Variants in TUBA4A observed in about 807,000 individuals in gnomAD.
The protein encoded by TUBA4A is tubulin alpha 4a.
Under a neutral mutation model 34.3 loss-of-function variants are expected in TUBA4A, and 23 were observed. The observed-to-expected ratio is 0.67, with a 90% CI of 0.48 to 0.95. The LOEUF (loss-of-function observed/expected upper bound fraction) is 0.95. TUBA4A is among the 40% of genes least tolerant of loss of function. The pLI is 0.00. For synonymous variants in TUBA4A, 216 were observed against 230.5 expected (o/e 0.94, Z 0.57); for missense variants, 279 against 599.0 (o/e 0.47, Z 5.58).
Position 219,252,932 on chromosome 2 carries a change from A to G in TUBA4A, c.4-702T>C, listed in dbSNP as rs567272854. On this transcript the variant is annotated intron_variant, in intron 1 of 3. Transcript: ENST00000248437. The surrounding 1 kb of genome is among the most constrained non-coding windows in gnomAD (Gnocchi z 4.1). Reference sequence around the variant, plus strand: ...GCCCGAAATTAACCCCTAAAGCACTAAAGTCCGGCAGGGCCCGCGCGCTCT... The same window carrying G: ...GCCCGAAATTAACCCCTAAAGCACTGAAGTCCGGCAGGGCCCGCGCGCTCT... 8.3e-6 allele frequency: 4 copies of G among 481,552 alleles called. No individual in the cohort carries two copies. Among genetic ancestry groups the G allele is most frequent in the South Asian group, 3.1e-5 (2 of 64,696 alleles). The allele number at this position is 481,552 out of a possible 1,614,324, so 29.8% of individuals were successfully genotyped here. A position where few individuals can be genotyped will look rare whatever the true frequency, so the allele number is the denominator to read the frequency against.
chr2:219,250,723 TG>T lies in TUBA4A; in HGVS notation c.975del (p.Lys326ArgfsTer53). 1 of 1,614,188 alleles carries T rather than the reference TG, an allele frequency of 6.2e-7. No individual in the cohort carries two copies. Among genetic ancestry groups the T allele is most frequent in the Non-Finnish European group, 8.5e-7 (1 of 1,180,034 alleles). On this transcript the variant is annotated frameshift_variant, in exon 4 of 4. Transcript: ENST00000248437. LOFTEE classifies it high-confidence loss of function. The surrounding 1 kb of genome is among the most constrained non-coding windows in gnomAD (Gnocchi z 8.4). ...CCLLYRGDVVPKDVNAAIAAI... is the reference protein window; with the variant it reads ...CCLLYRGDVVXKDVNAAIAAI... Reference sequence around the variant, plus strand: ...GCGGCAATGGCAGCGTTGACATCCTTGGGCACCACATCTCCACGGTACAGCA... The same window carrying T: ...GCGGCAATGGCAGCGTTGACATCCTTGGCACCACATCTCCACGGTACAGCA...
At chr2:219,253,408 A>G (rs1242924825) in intron 1 of TUBA4A, 2 of 1,529,092 alleles carry the variant, frequency 1.3e-6, no homozygotes, top group African/African-American at 1.4e-5. Flanking sequence ...GGAAAGGGGG[A>G]TGCGGCACCA....
rs1245942768 is a variant in TUBA4A, at chr2:219,251,803, C to T, written c.227-90G>A. 6 of 1,504,220 alleles carry T rather than the reference C, an allele frequency of 4.0e-6. No individual in the cohort carries two copies. The African/African-American group carries it at 4.1e-5, about 10-fold the overall frequency. 93.2% of individuals were successfully genotyped at this position (1,504,220 alleles called of 1,614,324 possible). ...TGGCCAGATGCATGGAAGGACTCAT[C>T]CTCCTGCCAGCCTGAGATACCAGAG... On this transcript the variant is annotated intron_variant, in intron 2 of 3. Transcript: ENST00000248437. The surrounding 1 kb of genome is among the most constrained non-coding windows in gnomAD (Gnocchi z 6.1).
intron 1 of TUBA4A, chr2:219,253,178 C>G (rs576336161): frequency 3.0e-5 from 45 of 1,512,496 alleles, no homozygotes; most frequent in Middle Eastern, 1.9e-4. Context: ...AATACCACCC[C>G]CTACATGCAC....
rs1951653727 is a variant in TUBA4A, at chr2:219,251,846, C to A, written c.227-133G>T. ...TACCAGAGTGTGAGAGAAACCCAGA[C>A]CAGCTGCCCAGGCCAGTCTCAGATC... On this transcript the variant is annotated intron_variant, in intron 2 of 3. Transcript: ENST00000248437. The surrounding 1 kb of genome is among the most constrained non-coding windows in gnomAD (Gnocchi z 6.1). 2 of 1,373,212 alleles carry A rather than the reference C, an allele frequency of 1.5e-6. No homozygotes were observed. The highest frequency in any genetic ancestry group is 2.0e-6 in the Non-Finnish European group (2 of 1,009,274). The allele number at this position is 1,373,212 out of a possible 1,614,324, so 85.1% of individuals were successfully genotyped here.
chr2:219,254,089 C>T (rs920867376), upstream of TUBA4A: 3 of 434,390 alleles, frequency 6.9e-6, no homozygotes, highest in African/African-American at 2.1e-5. Context: ...CGCGGGGGTC[C>T]CTCACCTGTC....
Position 219,251,435 on chromosome 2 carries a change from G to A in TUBA4A, c.376-112C>T. The A allele has an allele frequency of 1.3e-6, 2 of 1,535,290 alleles. No homozygotes were observed. The highest frequency in any genetic ancestry group is 1.8e-6 in the Non-Finnish European group (2 of 1,137,152). On this transcript the variant is annotated intron_variant, in intron 3 of 3. Coordinates refer to ENST00000248437, the MANE Select transcript of TUBA4A (RefSeq NM_006000.3). The surrounding 1 kb of genome is among the most constrained non-coding windows in gnomAD (Gnocchi z 6.1). ...ATCAGCAGTCAGGGCAAATACTGAG[G>A]ATGCCATAGCAGCACCACACTCGAG...
At chr2:219,253,386 T>TGCATACA (rs1353238990) in intron 1 of TUBA4A, 5 of 1,534,706 alleles carry the variant, frequency 3.3e-6, no homozygotes, top group Non-Finnish European at 4.4e-6. Context: ...ATAGTTGGAA[T>TGCATACA]GCATACACAG....
At chr2:219,253,946 T>C, upstream of TUBA4A, 1 of 754,380 alleles carries the variant, frequency 1.3e-6, no homozygotes, top group Non-Finnish European at 1.8e-6. Context: ...ACCGCCCTTA[T>C]AGGCGGGGGG....
At chr2:219,253,055 G>A in intron 1 of TUBA4A, 1 of 1,069,550 alleles carries the variant, frequency 9.3e-7, no homozygotes, top group Non-Finnish European at 1.3e-6. Context: ...GTCCCGGGCA[G>A]GATGGGCGCC....
upstream of TUBA4A, chr2:219,254,150 T>G: frequency 2.8e-6 from 1 of 353,022 alleles, no homozygotes. Flanking sequence ...TTTCCTCGTT[T>G]TGAGCAGACA....
intron 1 of TUBA4A, chr2:219,253,469 G>T: frequency 7.2e-7 from 1 of 1,389,820 alleles, no homozygotes; most frequent in Non-Finnish European, 9.9e-7. Flanking sequence ...CTCGGTCAGT[G>T]CTGAGGACCA....
chr2:219,253,817 AT>A, intron 1 of TUBA4A, 38 bp downstream of exon 1: 1 of 1,531,450 alleles, frequency 6.5e-7, no homozygotes, highest in Non-Finnish European at 8.8e-7. Context: ...GAGAGGGGCA[AT>A]TAGGGGACAG....
Position 219,252,945 on chromosome 2 carries a change from GC to G in TUBA4A, c.4-716del. On this transcript the variant is annotated intron_variant, in intron 1 of 3. Transcript: ENST00000248437. This position sits in a 1 kb window ranked among gnomAD's most constrained non-coding sequence, Gnocchi z 4.1. ...CCCTAAAGCACTAAAGTCCGGCAGGGCCCGCGCGCTCTTCCCACACCGAAAT... is the reference window on the plus strand; with the variant it reads ...CCCTAAAGCACTAAAGTCCGGCAGGGCCGCGCGCTCTTCCCACACCGAAAT... The G allele has an allele frequency of 8.2e-6, 4 of 490,742 alleles. No individual in the cohort carries two copies. The highest frequency in any genetic ancestry group is 1.6e-5 in the Non-Finnish European group (4 of 242,672). 30.4% of individuals were successfully genotyped at this position (490,742 alleles called of 1,614,324 possible).
rs370939488 is a variant in TUBA4A at position 219,250,975 on chromosome 2, G to A, written c.724C>T (p.Leu242=). The change falls in exon 4 of 4, where the codon CTG becomes TTG. Residue 242 remains leucine (L), a synonymous_variant. Transcript: ENST00000248437. This position sits in a 1 kb window ranked among gnomAD's most constrained non-coding sequence, Gnocchi z 8.4. ...SQIVSSITAS[L]RFDGALNVDL... ...ACATTGAGGGCCCCGTCAAAGCGCA[G>A]AGAAGCTGTGATGGAGGAGACAATT... is the stretch of plus-strand genomic sequence containing the variant. The A allele has an allele frequency of 5.3e-5, 85 of 1,614,088 alleles. No individual in the cohort carries two copies. Among genetic ancestry groups the A allele is most frequent in the Non-Finnish European group, 6.7e-5 (79 of 1,180,024 alleles).
upstream of TUBA4A, chr2:219,254,173 G>T (rs1056548639): frequency 6.4e-6 from 2 of 310,460 alleles, no homozygotes; most frequent in Admixed American, 9.9e-5. Context: ...CTGGGCTCCC[G>T]AGGGCCTCCG....
chr2:219,253,746 T>C lies in TUBA4A; in HGVS notation c.3+110A>G, dbSNP rs549295632. 5,351 of 1,356,492 alleles carry C rather than the reference T, an allele frequency of 3.9e-3. 16 individuals are homozygous for C. Among genetic ancestry groups the C allele is most frequent in the South Asian group, 5.6e-3 (423 of 75,396 alleles). 84.0% of individuals were successfully genotyped at this position (1,356,492 alleles called of 1,614,324 possible). A position where few individuals can be genotyped will look rare whatever the true frequency, so the allele number is the denominator to read the frequency against. On this transcript the variant is annotated intron_variant, in intron 1 of 3. Coordinates refer to ENST00000248437, the MANE Select transcript of TUBA4A (RefSeq NM_006000.3). ...GAGGATGCAAAACCCTCGCACCTCCTGGAGACCCGGAACGCCCGGTGGAGG... is the reference window on the plus strand; with the variant it reads ...GAGGATGCAAAACCCTCGCACCTCCCGGAGACCCGGAACGCCCGGTGGAGG...
In TUBA4A at chr2:219,250,191, GA is replaced by G; in HGVS notation, c.*160del. 9.3e-7 allele frequency: 1 copy of G among 1,070,020 alleles called. No individual in the cohort carries two copies. Among genetic ancestry groups the G allele is most frequent in the Non-Finnish European group, 1.4e-6 (1 of 733,164 alleles). 66.3% of individuals were successfully genotyped at this position (1,070,020 alleles called of 1,614,324 possible). A position where few individuals can be genotyped will look rare whatever the true frequency, so the allele number is the denominator to read the frequency against. On this transcript the variant is annotated 3_prime_UTR_variant, in exon 4 of 4. Coordinates refer to ENST00000248437, the MANE Select transcript of TUBA4A (RefSeq NM_006000.3). The surrounding 1 kb of genome is among the most constrained non-coding windows in gnomAD (Gnocchi z 8.4). ...TTTGCAGGTCTCACCTTCAGCGATG[GA>G]AGGGATAAGGGTCATGAACAGCAAA...
chr2:219,253,183 A>G (rs986209033), intron 1 of TUBA4A: 67 of 1,508,446 alleles, frequency 4.4e-5, no homozygotes, highest in Non-Finnish European at 5.7e-5. Flanking sequence ...CACCCCCTAC[A>G]TGCACCTCTC....
Sources: allele counts gnomAD v4.1 joint callset, GRCh38; gene constraint gnomAD v4.1.1; non-coding constraint Gnocchi (gnomAD v3.1); transcripts MANE v1.5; gene names NCBI Gene and HGNC (gene_info 2026-07-23, HGNC 2026-07-21).